PRH1: variants seen among roughly 807,000 people sequenced by gnomAD.
The protein encoded by PRH1 is proline rich protein HaeIII subfamily 1.
A neutral mutation model predicts 7.9 loss-of-function variants in PRH1; 7 were observed. That is an observed-to-expected ratio of 0.89 (90% CI 0.50 to 1.67). The LOEUF (loss-of-function observed/expected upper bound fraction) is 1.67. Among genes scored for constraint, PRH1 ranks in the 40% most tolerant of loss-of-function variants. PRH1 has a pLI of 0.00. For synonymous variants in PRH1, 45 were observed against 80.8 expected (o/e 0.56, Z 2.38); for missense variants, 109 against 223.6 (o/e 0.49, Z 3.27).
intron 1 of PRH1, chr12:11,133,224 A>T: frequency 1.3e-6 from 2 of 1,534,912 alleles, no homozygotes; most frequent in Non-Finnish European, 1.7e-6. Context: ...TCATATACAT[A>T]TATTACAGAA....
chr12:11,103,008 G>A (rs1414473966), intron 1 of PRH1, among the ~76,000 whole-genome samples: 1 of 152,170 alleles, frequency 6.6e-6, no homozygotes, highest in African/African-American at 2.4e-5. Context: ...TCTCACACCA[G>A]TTAGAATGGC....
intron 1 of PRH1, among the ~76,000 whole-genome samples, chr12:11,127,112 T>C (rs1196436034): frequency 6.6e-6 from 1 of 152,276 alleles, no homozygotes; most frequent in Non-Finnish European, 1.5e-5. Flanking sequence ...CACCGGGGAA[T>C]GCTATTGAAT....
intron 1 of PRH1, among the ~76,000 whole-genome samples, chr12:11,135,934 G>A (rs1360327769): frequency 6.6e-6 from 1 of 152,016 alleles, no homozygotes; most frequent in East Asian, 1.9e-4. Flanking sequence ...AACTTTTTAT[G>A]TTAAAATTAT....
chr12:11,008,455 C>T (rs1940925491), intron 1 of PRH1, among the ~76,000 whole-genome samples: 1 of 152,042 alleles, frequency 6.6e-6, no homozygotes, highest in African/African-American at 2.4e-5. Flanking sequence ...CCTAGTTCCA[C>T]CTCCATGACA....
chr12:11,075,467 G>A (rs1290427688), intron 1 of PRH1, among the ~76,000 whole-genome samples: 1 of 112,044 alleles, frequency 8.9e-6, no homozygotes, highest in African/African-American at 3.0e-5. Context: ...GAGGGAGAAA[G>A]AGATGTTCCC....
chr12:11,137,761 T>G lies in PRH1; in HGVS notation n.40-16581A>C, dbSNP rs530249896. Among the ~76,000 whole-genome samples the G allele has an allele frequency of 7.9e-5, 12 of 152,352 alleles. No homozygotes were observed. In the South Asian group the frequency reaches 2.5e-3, roughly 32 times the overall value. On this transcript the variant is annotated intron_variant and non_coding_transcript_variant, in intron 1 of 1. Coordinates refer to the PRH1 transcript ENST00000541175. ...TCCTGTAACTTTCCAATAATTATGA[T>G]CTTTTTAAAATTACTTATTTTCCAA...
intron 1 of PRH1, chr12:11,021,715 AG>A (rs1194767193): frequency 3.8e-5 from 61 of 1,613,902 alleles, no homozygotes; most frequent in Non-Finnish European, 5.1e-5. Context: ...GGTCTGTTTT[AG>A]CTTCCTACTT....
chr12:11,083,203 A>C (rs976819227), intron 1 of PRH1, among the ~76,000 whole-genome samples: 1 of 118,330 alleles, frequency 8.5e-6, no homozygotes, highest in Non-Finnish European at 2.0e-5. Context: ...ACTTTCTGCA[A>C]CTTTGAAATG....
intron 2 of PRH1, among the ~76,000 whole-genome samples, chr12:10,958,333 T>A (rs932089321): frequency 3.3e-5 from 5 of 152,024 alleles, no homozygotes; most frequent in Non-Finnish European, 7.4e-5. Context: ...ATGTTCTCAC[T>A]TATAAGTGGG....
rs1197872244 is a variant in PRH1, at chr12:11,093,496, T to C, written n.124-46308A>G. 2.6e-5 allele frequency among the ~76,000 whole-genome samples: 3 copies of C among 116,286 alleles called. 1 individual carries two copies. Among genetic ancestry groups the C allele is most frequent in the African/African-American group, 8.6e-5 (3 of 34,686 alleles). The allele number at this position is 116,286 out of a possible 152,430, so 76.3% of individuals were successfully genotyped here. A position where few individuals can be genotyped will look rare whatever the true frequency, so the allele number is the denominator to read the frequency against. ...GGCTGTGCAGATGAAATTAGTCCTA[T>C]TTTCCCGGGTTTTCAGCCCATGAAT... On this transcript the variant is annotated intron_variant and non_coding_transcript_variant, in intron 1 of 4. Transcript: ENST00000541977.
intron 1 of PRH1, among the ~76,000 whole-genome samples, chr12:11,142,749 C>G (rs1230011165): frequency 2.0e-5 from 3 of 152,112 alleles, no homozygotes; most frequent in Non-Finnish European, 2.9e-5. Context: ...TCCACTACAT[C>G]TGGCAGCAGA....
At chr12:11,094,594 T>C (rs1592003698) in intron 1 of PRH1, among the ~76,000 whole-genome samples, 1 of 115,774 alleles carries the variant, frequency 8.6e-6, no homozygotes, top group African/African-American at 2.9e-5. Context: ...AATTTTCTTA[T>C]GTTGCAACTA....
At chr12:11,130,903 T>C (rs1203693251) in intron 1 of PRH1, among the ~76,000 whole-genome samples, 1 of 148,572 alleles carries the variant, frequency 6.7e-6, no homozygotes, top group Admixed American at 6.7e-5. Context: ...TATGAGCACG[T>C]CTCAGTGGCA....
At position 11,093,596 on chromosome 12, in the gene PRH1, T is replaced by A; in HGVS notation, n.124-46408A>T. On this transcript the variant is annotated intron_variant and non_coding_transcript_variant, in intron 1 of 4. Transcript: ENST00000541977. Reference sequence around the variant, plus strand: ...CGTCTCAAGTCTAATGTTTAAATATTTATTATTATACAAAATATTTAGCAA... The same window carrying A: ...CGTCTCAAGTCTAATGTTTAAATATATATTATTATACAAAATATTTAGCAA... 1.7e-5 allele frequency among the ~76,000 whole-genome samples: 2 copies of A among 115,774 alleles called. 1 individual carries two copies. The allele number at this position is 115,774 out of a possible 152,430, so 76.0% of individuals were successfully genotyped here.
intron 2 of PRH1, among the ~76,000 whole-genome samples, chr12:10,954,866 T>G (rs752432652): frequency 2.2e-4 from 34 of 152,080 alleles, no homozygotes; most frequent in Non-Finnish European, 4.4e-4. Context: ...AAGGCTCAAT[T>G]CACCAGGAAG....
chr12:11,001,147 T>C (rs944869527), intron 1 of PRH1, among the ~76,000 whole-genome samples: 37 of 152,132 alleles, frequency 2.4e-4, no homozygotes, highest in African/African-American at 7.9e-4. Flanking sequence ...GATGTGATGT[T>C]AGTAGCTTTT....
At chr12:10,997,277 T>C (rs749711084) in intron 1 of PRH1, 6 of 1,613,920 alleles carry the variant, frequency 3.7e-6, no homozygotes, top group Non-Finnish European at 5.1e-6. Context: ...ACACAGAGAG[T>C]AGATTAACAG....
Position 10,883,216 on chromosome 12 carries a change from C to T in PRH1, c.65-120G>A, listed in dbSNP as rs965437504. 1.7e-5 allele frequency: 19 copies of T among 1,133,906 alleles called. No homozygotes were observed. In the African/African-American group the frequency reaches 2.8e-4, roughly 17 times the overall value. The allele number at this position is 1,133,906 out of a possible 1,614,324, so 70.2% of individuals were successfully genotyped here. A position where few individuals can be genotyped will look rare whatever the true frequency, so the allele number is the denominator to read the frequency against. On this transcript the variant is annotated intron_variant, in intron 1 of 3. Coordinates refer to ENST00000543626, the MANE Select transcript of PRH1 (RefSeq NM_001393989.1). ...CTGTGCATCCCCTTTGTGATCTCATCAGCCACTCTCTGATGCTACTGGAAG... is the reference window on the plus strand; with the variant it reads ...CTGTGCATCCCCTTTGTGATCTCATTAGCCACTCTCTGATGCTACTGGAAG...
At chr12:11,086,007 G>A (rs1388657660) in intron 1 of PRH1, among the ~76,000 whole-genome samples, 3 of 133,648 alleles carry the variant, frequency 2.2e-5, no homozygotes, top group African/African-American at 5.3e-5. Flanking sequence ...GGTTTTCTTT[G>A]GAAGCCCAGG....
Sources: allele counts gnomAD v4.1 joint callset (sites outside exome capture counted in the v4.1 genomes callset), GRCh38; gene constraint gnomAD v4.1.1; transcripts MANE v1.5; gene names NCBI Gene and HGNC (gene_info 2026-07-23, HGNC 2026-07-21).